The following TTLL5 variants were observed in gnomAD, a reference collection of about 807,000 sequenced individuals.
TTLL5 encodes tubulin polyglutamylase TTLL5.
In TTLL5, 132 loss-of-function variants were observed where a neutral mutation model predicts 168.4. That is an observed-to-expected ratio of 0.78 (90% confidence interval 0.68 to 0.91). The LOEUF is 0.91. TTLL5 is among the 40% of genes least tolerant of loss of function. TTLL5 has a pLI of 0.00. For missense variants in TTLL5, 1,545 were observed against 1,581.5 expected (o/e 0.98, Z 0.39); for synonymous variants, 546 against 558.6 (o/e 0.98, Z 0.32).
rs3031047 is a variant in TTLL5, at chr14:75,731,374, T to TACACACACACAC, written c.1043-926_1043-915dup. Among the ~76,000 whole-genome samples, 69 of 139,326 alleles carry TACACACACACAC rather than the reference T, an allele frequency of 5.0e-4. 1 individual carries two copies. The highest frequency in any genetic ancestry group is 3.0e-3 in the East Asian group (14 of 4,722). The allele number at this position is 139,326 out of a possible 152,430, so 91.4% of individuals were successfully genotyped here. On this transcript the variant is annotated intron_variant, in intron 12 of 31. Transcript: ENST00000298832. Reference sequence around the variant, plus strand: ...ATATAGCTATAAATATACACATACATACACACACACACACACACACACACA... The same window carrying TACACACACACAC: ...ATATAGCTATAAATATACACATACATACACACACACACACACACACACACACACACACACACA...
At chr14:75,890,195 C>T (rs950437940) in intron 30 of TTLL5, among the ~76,000 whole-genome samples, 13 of 151,998 alleles carry the variant, frequency 8.6e-5, no homozygotes, top group African/African-American at 1.2e-4. Context: ...TGCTGAGAGT[C>T]GTGAATAGGC....
rs1462462775 is a variant in TTLL5, at chr14:75,776,752, A to G, written c.2289A>G (p.Thr763=). 3.1e-6 allele frequency: 5 copies of G among 1,613,638 alleles called. No individual in the cohort carries two copies. The highest frequency in any genetic ancestry group is 4.2e-6 in the Non-Finnish European group (5 of 1,179,718). ...GDFIIVYNKE[T]EQMAEKKSKK... The stretch of plus-strand genomic sequence containing the variant: ...GGGGTTTGGGCACTGGGTAGGAAAC[A>G]GAACAAATGGCTGAAAAGAAATCAA... The change falls in exon 23 of 32, where the codon ACA becomes ACG. Residue 763 remains threonine, a synonymous_variant. Transcript: ENST00000298832.
At chr14:75,871,391 GATA>G (rs901470480) in intron 29 of TTLL5, among the ~76,000 whole-genome samples, 7 of 152,200 alleles carry the variant, frequency 4.6e-5, no homozygotes, top group Middle Eastern at 3.4e-3. Flanking sequence ...TGATTGTGGA[GATA>G]ATATTTTTAC....
intron 30 of TTLL5, among the ~76,000 whole-genome samples, chr14:75,901,322 G>A (rs995715309): frequency 3.3e-5 from 5 of 152,170 alleles, no homozygotes; most frequent in Non-Finnish European, 7.3e-5. Flanking sequence ...TTTGAAAAAT[G>A]CAAAGAAGGA....
At chr14:75,816,974 A>ATTTTTTTTTTTTTTTTTTTTTT (rs35736530) in intron 27 of TTLL5, among the ~76,000 whole-genome samples, 4 of 96,084 alleles carry the variant, frequency 4.2e-5, no homozygotes, top group South Asian at 3.6e-4. Flanking sequence ...TCCCTGTCTT[A>ATTTTTTTTTTTTTTTTTTTTTT]TTTTTTTTTT....
intron 5 of TTLL5, chr14:75,689,625 A>T (rs897708774): frequency 2.0e-5 from 3 of 152,502 alleles, no homozygotes; most frequent in African/African-American, 7.2e-5. Flanking sequence ...ACCATGGTAC[A>T]TCTATACAGT....
intron 31 of TTLL5, among the ~76,000 whole-genome samples, chr14:75,910,154 G>A (rs2033313736): frequency 6.6e-6 from 1 of 152,154 alleles, no homozygotes; most frequent in Non-Finnish European, 1.5e-5. Flanking sequence ...TTGCTGAACT[G>A]GCAAAATCCC....
intron 21 of TTLL5, among the ~76,000 whole-genome samples, chr14:75,774,683 T>A (rs1891611861): frequency 6.6e-6 from 1 of 152,048 alleles, no homozygotes; most frequent in Non-Finnish European, 1.5e-5. Context: ...TATTTTCTCT[T>A]AATTTTCTTT....
intron 7 of TTLL5, among the ~76,000 whole-genome samples, chr14:75,701,573 T>C (rs1351791073): frequency 6.6e-6 from 1 of 152,200 alleles, no homozygotes; most frequent in Non-Finnish European, 1.5e-5. Context: ...GGCCATATTG[T>C]GAATGCAGAG....
At chr14:75,817,649 T>C (rs1894511630) in intron 27 of TTLL5, among the ~76,000 whole-genome samples, 1 of 152,064 alleles carries the variant, frequency 6.6e-6, no homozygotes. Context: ...CCTTAGAACA[T>C]TTTATAGCCA....
chr14:75,950,595 T>C (rs2034931193), intron 31 of TTLL5, among the ~76,000 whole-genome samples: 2 of 152,238 alleles, frequency 1.3e-5, no homozygotes, highest in African/African-American at 4.8e-5. Flanking sequence ...CCGATCATTA[T>C]CAAAGCTAGA....
At chr14:75,764,990 T>C (rs914263953) in intron 19 of TTLL5, among the ~76,000 whole-genome samples, 3 of 152,244 alleles carry the variant, frequency 2.0e-5, no homozygotes, top group Non-Finnish European at 4.4e-5. Context: ...AACACATACA[T>C]TTTGGCCTTT....
chr14:75,903,687 T>C (rs1595240411), intron 31 of TTLL5, among the ~76,000 whole-genome samples: 1 of 151,816 alleles, frequency 6.6e-6, no homozygotes, highest in Middle Eastern at 3.4e-3. Flanking sequence ...GAGGATCTCT[T>C]GAGACCAGCC....
At chr14:75,728,201 CAA>C (rs1184920756) in intron 12 of TTLL5, among the ~76,000 whole-genome samples, 1 of 151,826 alleles carries the variant, frequency 6.6e-6, no homozygotes, top group Non-Finnish European at 1.5e-5. Flanking sequence ...ACTAAAAATA[CAA>C]AAGTTAGCCA....
At chr14:75,792,867 TCAGGCC>T (rs1358589541) in intron 26 of TTLL5, 43 bp from the exon 27 acceptor site, 2 of 1,487,998 alleles carry the variant, frequency 1.3e-6, no homozygotes, top group South Asian at 1.5e-5. Context: ...CTAATTTTTT[TCAGGCC>T]TTTTTTTCCT....
At chr14:75,718,728 T>C (rs1353391080) in intron 10 of TTLL5, among the ~76,000 whole-genome samples, 2 of 152,112 alleles carry the variant, frequency 1.3e-5, no homozygotes, top group African/African-American at 2.4e-5. Flanking sequence ...AAGGATTCAG[T>C]GGAAGGGAGT....
At position 75,683,634 on chromosome 14, in the gene TTLL5, C is replaced by T. The variant is rs140479826; in HGVS notation, c.349C>T (p.Gln117Ter). The change falls in exon 5 of 32, where the codon CAA becomes TAA. Residue 117 changes from glutamine (Q) to a stop codon, truncating the protein, a stop_gained. Transcript: ENST00000298832. LOFTEE classifies it high-confidence loss of function. ...PFLLRTLSEAQKVNHFPRSYE... is the reference protein window; with the variant it reads ...PFLLRTLSEA ...CTTACTGCGCACCCTCTCTGAAGCA[C>T]AAAAAGTTAATCACTTTCCCAGGTA... 6.2e-7 allele frequency: 1 copy of T among 1,613,916 alleles called. No homozygotes were observed. Among genetic ancestry groups the T allele is most frequent in the Non-Finnish European group, 8.5e-7 (1 of 1,179,828 alleles).
At chr14:75,917,255 G>T (rs184241251) in intron 31 of TTLL5, among the ~76,000 whole-genome samples, 2 of 152,322 alleles carry the variant, frequency 1.3e-5, no homozygotes, top group Admixed American at 6.5e-5. Context: ...CCCAGATTAG[G>T]TGTTTTTGTT....
intron 7 of TTLL5, among the ~76,000 whole-genome samples, chr14:75,699,900 G>C (rs1886139130): frequency 6.6e-6 from 1 of 151,950 alleles, no homozygotes; most frequent in Admixed American, 6.5e-5. Flanking sequence ...ATAGTAGTTA[G>C]TAACTTTTGT....
Sources: allele counts gnomAD v4.1 joint callset (sites outside exome capture counted in the v4.1 genomes callset), GRCh38; gene constraint gnomAD v4.1.1; transcripts MANE v1.5; gene names NCBI Gene and HGNC (gene_info 2026-07-23, HGNC 2026-07-21).